WDR7: variants seen among roughly 807,000 people sequenced by gnomAD.
WDR7 encodes WD repeat domain 7.
In WDR7, 46 loss-of-function variants were observed where a neutral mutation model predicts 169.4. The ratio of observed to expected loss-of-function variants is 0.27; its 90% confidence interval spans 0.21 to 0.35. The LOEUF (loss-of-function observed/expected upper bound fraction) is 0.35. WDR7 is among the 10% of genes least tolerant of loss of function. WDR7 has a pLI of 1.00. For missense variants in WDR7, 1,534 were observed against 1,859.3 expected (o/e 0.83, Z 3.22); for synonymous variants, 612 against 666.8 (o/e 0.92, Z 1.27).
At chr18:56,680,939 T>G (rs2025339756) in intron 3 of WDR7, among the ~76,000 whole-genome samples, 1 of 152,358 alleles carries the variant, frequency 6.6e-6, no homozygotes, top group African/African-American at 2.4e-5. Context: ...CTGTTATCCT[T>G]ACTTTGAGGT....
intron 1 of WDR7, among the ~76,000 whole-genome samples, chr18:56,663,773 T>G (rs1174315387): frequency 3.9e-5 from 6 of 152,084 alleles, no homozygotes; most frequent in Admixed American, 3.9e-4. Context: ...CTTTGAACTT[T>G]TGTATATTTG....
chr18:56,982,103 G>A (rs1014317580), intron 26 of WDR7, among the ~76,000 whole-genome samples: 9 of 152,112 alleles, frequency 5.9e-5, no homozygotes, highest in Admixed American at 4.6e-4. Context: ...AATCCAAGGG[G>A]CATTAAGGTC....
chr18:57,025,350 A>G (rs915974984), intron 27 of WDR7, among the ~76,000 whole-genome samples: 2 of 152,156 alleles, frequency 1.3e-5, no homozygotes, highest in African/African-American at 4.8e-5. Flanking sequence ...TGTCATTTGG[A>G]TCTATCAAAT....
Position 57,016,575 on chromosome 18 carries a change from G to A in WDR7, c.4165-4170G>A, listed in dbSNP as rs564961070. On this transcript the variant is annotated intron_variant, in intron 26 of 27. Coordinates refer to ENST00000254442, the MANE Select transcript of WDR7 (RefSeq NM_015285.3). ...AACCATGTGAGAGCAGTTTTAAAGA[G>A]AATATTCTAGAAAGTCATGGCTTTT... 2.0e-5 allele frequency among the ~76,000 whole-genome samples: 3 copies of A among 152,320 alleles called. No individual in the cohort carries two copies. The South Asian group carries it at 6.2e-4, about 32-fold the overall frequency.
chr18:56,919,598 T>A (rs946780622), intron 21 of WDR7, among the ~76,000 whole-genome samples: 1 of 152,226 alleles, frequency 6.6e-6, no homozygotes, highest in Non-Finnish European at 1.5e-5. Flanking sequence ...TAGTTGGTAG[T>A]GTCATGAATA....
chr18:56,884,001 T>C (rs1473814535), intron 21 of WDR7, among the ~76,000 whole-genome samples: 1 of 152,216 alleles, frequency 6.6e-6, no homozygotes, highest in Non-Finnish European at 1.5e-5. Context: ...ATTCATATAA[T>C]GACTTGTTTT....
At chr18:56,924,253 T>A in intron 22 of WDR7, 145 bp downstream of exon 22, 1 of 954,038 alleles carries the variant, frequency 1.0e-6, no homozygotes, top group Non-Finnish European at 1.5e-6. Flanking sequence ...AAGTTTTGAA[T>A]ATGGACAATG....
chr18:56,868,443 A>C (rs2045910951), intron 20 of WDR7, among the ~76,000 whole-genome samples: 1 of 152,154 alleles, frequency 6.6e-6, no homozygotes, highest in African/African-American at 2.4e-5. Flanking sequence ...TCATTTTATA[A>C]ATAAAAATGA....
chr18:56,991,169 C>T (rs1029520184), intron 26 of WDR7, among the ~76,000 whole-genome samples: 11 of 58,998 alleles, frequency 1.9e-4, no homozygotes, highest in African/African-American at 5.6e-4. Flanking sequence ...TTTTTTGAGA[C>T]GGAGTCTCGC....
intron 13 of WDR7, among the ~76,000 whole-genome samples, chr18:56,730,538 G>A (rs548652566): frequency 8.3e-4 from 126 of 152,046 alleles, no homozygotes; most frequent in Non-Finnish European, 1.6e-3. Flanking sequence ...AGGCCGAGGC[G>A]GGCGGATCAC....
intron 13 of WDR7, 78 bp downstream of exon 13, chr18:56,718,237 TA>T: frequency 1.5e-6 from 2 of 1,363,636 alleles, no homozygotes; most frequent in Non-Finnish European, 1.9e-6. Context: ...ATGTCTTTTA[TA>T]TGAAGAAAAA....
chr18:56,693,707 G>T (rs1598966620), intron 9 of WDR7, among the ~76,000 whole-genome samples: 2 of 151,204 alleles, frequency 1.3e-5, no homozygotes, highest in Non-Finnish European at 2.9e-5. Flanking sequence ...GAGTAGCTGG[G>T]ATTACAGGCA....
rs111625345 is a variant in WDR7 at position 56,818,609 on chromosome 18, C to T, written c.3304+2465C>T. 2.6e-3 allele frequency among the ~76,000 whole-genome samples: 397 copies of T among 152,218 alleles called. 2 individuals carry two copies. The highest frequency in any genetic ancestry group is 9.2e-3 in the African/African-American group (383 of 41,546). On this transcript the variant is annotated intron_variant, in intron 20 of 27. Transcript: ENST00000254442. ...AGTATGTTGCAGCCTGTAGATCGTT[C>T]GGGTTACCTTTAAATTGTGTGACTC...
At chr18:56,807,661 GA>G (rs1299051810) in intron 19 of WDR7, among the ~76,000 whole-genome samples, 1 of 145,710 alleles carries the variant, frequency 6.9e-6, no homozygotes, top group Non-Finnish European at 1.5e-5. Context: ...CATTTTATAT[GA>G]GAGCAGTTTT....
chr18:56,883,490 C>T (rs925749109), intron 21 of WDR7, among the ~76,000 whole-genome samples: 2 of 149,718 alleles, frequency 1.3e-5, no homozygotes, highest in African/African-American at 2.5e-5. Context: ...CATTTAATCT[C>T]TCAGTCTTGT....
At chr18:56,808,966 A>G (rs906940018) in intron 19 of WDR7, among the ~76,000 whole-genome samples, 1 of 152,086 alleles carries the variant, frequency 6.6e-6, no homozygotes, top group Non-Finnish European at 1.5e-5. Context: ...TGAGGATCTC[A>G]TAGTCTTTCT....
At chr18:56,689,017 G>C (rs925218137) in intron 7 of WDR7, among the ~76,000 whole-genome samples, 1 of 152,020 alleles carries the variant, frequency 6.6e-6, no homozygotes, top group Admixed American at 6.6e-5. Context: ...GAAAACTACG[G>C]AACACTCAGC....
intron 22 of WDR7, among the ~76,000 whole-genome samples, chr18:56,925,319 A>G (rs2046790025): frequency 6.6e-6 from 1 of 152,350 alleles, no homozygotes; most frequent in East Asian, 1.9e-4. Context: ...TGATAATTCC[A>G]TGTTTAACTT....
rs571142790 is a variant in WDR7 at position 56,956,221 on chromosome 18, AT to A, written c.4065-6206del. ...CTAGTGCTCTCCACAGGAATGATGC[AT>A]TTCTGGAAAACATTGCCCCACCCTC... On this transcript the variant is annotated intron_variant, in intron 25 of 27. Transcript: ENST00000254442. 7.2e-5 allele frequency among the ~76,000 whole-genome samples: 11 copies of A among 152,252 alleles called. No homozygotes were observed. The South Asian group carries it at 2.3e-3, about 32-fold the overall frequency.
Sources: allele counts gnomAD v4.1 joint callset (sites outside exome capture counted in the v4.1 genomes callset), GRCh38; gene constraint gnomAD v4.1.1; transcripts MANE v1.5; gene names NCBI Gene and HGNC (gene_info 2026-07-23, HGNC 2026-07-21).